The following TSHZ2 variants were observed in gnomAD, a reference collection of about 807,000 sequenced individuals.
TSHZ2 encodes teashirt zinc finger homeobox 2.
TSHZ2 carries 21 observed loss-of-function variants against 74.4 expected under a neutral mutation model. The observed-to-expected ratio is 0.28, with a 90% CI of 0.20 to 0.41. The LOEUF (loss-of-function observed/expected upper bound fraction) is 0.41, where lower values mean the gene tolerates loss of function less well. Among genes scored for constraint, TSHZ2 ranks in the 10% least tolerant of loss-of-function variants. TSHZ2 has a pLI of 1.00. For synonymous variants in TSHZ2, 540 were observed against 515.3 expected (o/e 1.05, Z -0.65); for missense variants, 1,244 against 1,293.5 (o/e 0.96, Z 0.59).
chr20:53,298,411 C>T (rs1275202973), intron 2 of TSHZ2, among the ~76,000 whole-genome samples: 4 of 152,182 alleles, frequency 2.6e-5, no homozygotes, highest in Admixed American at 1.3e-4. Flanking sequence ...ACTATGTGGA[C>T]GGGGTCATCA....
At chr20:53,226,845 G>A (rs1568822884) in intron 1 of TSHZ2, among the ~76,000 whole-genome samples, 1 of 152,040 alleles carries the variant, frequency 6.6e-6, no homozygotes, top group Non-Finnish European at 1.5e-5. Context: ...GCCCTGGGAG[G>A]CAAAATCCCC....
At chr20:53,398,664 G>A (rs1982544221) in intron 2 of TSHZ2, 1 of 152,204 alleles carries the variant, frequency 6.6e-6, no homozygotes, top group South Asian at 2.1e-4. Flanking sequence ...GAGGTGGGAG[G>A]ATCGCTTGAG....
intron 1 of TSHZ2, among the ~76,000 whole-genome samples, chr20:52,974,585 C>T (rs1981257515): frequency 6.6e-6 from 1 of 152,188 alleles, no homozygotes; most frequent in Non-Finnish European, 1.5e-5. Context: ...AGACCCACCT[C>T]CACATTTCAT....
chr20:53,273,803 G>A (rs906657322), intron 2 of TSHZ2, among the ~76,000 whole-genome samples: 1 of 152,102 alleles, frequency 6.6e-6, no homozygotes, highest in Non-Finnish European at 1.5e-5. Flanking sequence ...GGAGGAGAAG[G>A]GACTTCAAAC....
chr20:53,410,707 G>A (rs897851704), intron 2 of TSHZ2, among the ~76,000 whole-genome samples: 6 of 143,932 alleles, frequency 4.2e-5, no homozygotes, highest in East Asian at 2.0e-4. Context: ...ACGGAGTCTC[G>A]CTCTGTCACC....
At chr20:53,049,702 T>C (rs992137134) in intron 1 of TSHZ2, among the ~76,000 whole-genome samples, 2 of 149,528 alleles carry the variant, frequency 1.3e-5, no homozygotes, top group Non-Finnish European at 3.0e-5. Context: ...CGAAGGGAGG[T>C]GGGGTGGGGA....
intron 2 of TSHZ2, chr20:53,455,526 A>G (rs1411866872): frequency 6.6e-6 from 1 of 152,136 alleles, no homozygotes; most frequent in Non-Finnish European, 1.5e-5. Context: ...TCATAAATGT[A>G]TACTAATAAT....
intron 2 of TSHZ2, among the ~76,000 whole-genome samples, chr20:53,319,828 G>T (rs73911292): frequency 9.9e-5 from 15 of 152,196 alleles, no homozygotes; most frequent in Admixed American, 5.9e-4. Flanking sequence ...AACACATGTG[G>T]CCATTATTCC....
At chr20:53,069,389 A>C (rs59277289) in intron 1 of TSHZ2, among the ~76,000 whole-genome samples, 7,146 of 152,086 alleles carry the variant, frequency 0.047, 566 homozygotes, top group African/African-American at 0.16. Flanking sequence ...CATGGTTAGA[A>C]TTCCATCTGT....
At chr20:53,010,147 T>C (rs373340504) in intron 1 of TSHZ2, among the ~76,000 whole-genome samples, 15 of 152,244 alleles carry the variant, frequency 9.9e-5, no homozygotes, top group African/African-American at 3.6e-4. Flanking sequence ...TCAGGACCCA[T>C]TGCCTCAGGC....
At chr20:53,066,767 A>G (rs1985003678) in intron 1 of TSHZ2, among the ~76,000 whole-genome samples, 1 of 152,128 alleles carries the variant, frequency 6.6e-6, no homozygotes, top group Non-Finnish European at 1.5e-5. Context: ...CGGCCTCCCA[A>G]AGTGTTGGGA....
intron 1 of TSHZ2, among the ~76,000 whole-genome samples, chr20:52,974,200 T>C (rs1416210370): frequency 1.3e-5 from 2 of 152,230 alleles, no homozygotes; most frequent in Non-Finnish European, 2.9e-5. Flanking sequence ...GGAAATGTAA[T>C]ATGAAAGTTC....
intron 1 of TSHZ2, among the ~76,000 whole-genome samples, chr20:53,055,671 C>T (rs1207092377): frequency 2.6e-5 from 4 of 152,108 alleles, no homozygotes; most frequent in Non-Finnish European, 5.9e-5. Context: ...CTGGACCCTT[C>T]TTATCACTGA....
At chr20:53,250,835 G>GAAA (rs561849899) in intron 1 of TSHZ2, among the ~76,000 whole-genome samples, 1 of 125,840 alleles carries the variant, frequency 7.9e-6, no homozygotes, top group African/African-American at 2.9e-5. Flanking sequence ...ATGTCAGTGG[G>GAAA]AAAAAAAAAA....
At chr20:53,046,369 C>A (rs963804521) in intron 1 of TSHZ2, among the ~76,000 whole-genome samples, 1 of 152,126 alleles carries the variant, frequency 6.6e-6, no homozygotes, top group Non-Finnish European at 1.5e-5. Context: ...CCAGGGCACT[C>A]GATGGTGGCT....
intron 1 of TSHZ2, among the ~76,000 whole-genome samples, chr20:53,125,741 A>T (rs6022289): frequency 0.45 from 68,238 of 150,078 alleles, 16,800 homozygotes; most frequent in African/African-American, 0.66. Flanking sequence ...CAAAATATTT[A>T]AAAAAAAAAA....
chr20:53,322,373 C>T (rs1455492626), intron 2 of TSHZ2, among the ~76,000 whole-genome samples: 3 of 152,036 alleles, frequency 2.0e-5, no homozygotes, highest in Non-Finnish European at 4.4e-5. Context: ...ATTAGCTAGG[C>T]GTGGTGGCAG....
intron 1 of TSHZ2, among the ~76,000 whole-genome samples, chr20:53,096,033 A>G (rs1380820692): frequency 2.0e-5 from 3 of 152,190 alleles, no homozygotes; most frequent in Non-Finnish European, 2.9e-5. Context: ...GGCCCAGCCA[A>G]TCCTATCAGC....
chr20:53,320,248 T>C (rs931890601), intron 2 of TSHZ2, among the ~76,000 whole-genome samples: 1 of 152,196 alleles, frequency 6.6e-6, no homozygotes, highest in Non-Finnish European at 1.5e-5. Flanking sequence ...ATTTTCCCTG[T>C]TTTTTCAAAT....
Sources: allele counts gnomAD v4.1 joint callset (sites outside exome capture counted in the v4.1 genomes callset), GRCh38; gene constraint gnomAD v4.1.1; transcripts MANE v1.5; gene names NCBI Gene and HGNC (gene_info 2026-07-23, HGNC 2026-07-21).